Variants in HTR2C observed in about 807,000 individuals in gnomAD.
The protein encoded by HTR2C is 5-hydroxytryptamine (serotonin) receptor 2C, G protein-coupled.
HTR2C carries 5 observed loss-of-function variants against 21.0 expected under a neutral mutation model. The ratio of observed to expected loss-of-function variants is 0.24; its 90% CI spans 0.12 to 0.50. HTR2C has a LOEUF of 0.50. HTR2C is among the 20% of genes least tolerant of loss of function. The pLI is 0.98. For missense variants in HTR2C, 271 were observed against 371.2 expected, an observed-to-expected ratio of 0.73 and a Z score of 2.22; for synonymous variants, 150 against 145.3, an observed-to-expected ratio of 1.03 and a Z score of -0.23.
At position 114,699,076 on chromosome X, in the gene HTR2C, G is replaced by A. The variant is rs184272227; in HGVS notation, c.-79-27782G>A. 2.7e-4 allele frequency among the ~76,000 whole-genome samples: 30 copies of A among 111,650 alleles called. No homozygotes were observed. The East Asian group carries it at 8.2e-3, about 30-fold the overall frequency. ...ATTCTGCCCCAGTCACAATTCTTGT[G>A]ATTGTTCAACAATAAAACAAATATT... is the stretch of plus-strand genomic sequence containing the variant. On this transcript the variant is annotated intron_variant, in intron 2 of 5. Transcript: ENST00000276198.
chrX:114,761,039 T>G (rs1245181461), intron 4 of HTR2C, among the ~76,000 whole-genome samples: 1 of 111,697 alleles, frequency 9.0e-6, no homozygotes, highest in East Asian at 2.8e-4. Flanking sequence ...TAGTAGCATT[T>G]TTTTTCTTAA....
At chrX:114,750,752 C>T (rs2069753452) in intron 4 of HTR2C, among the ~76,000 whole-genome samples, 1 of 112,018 alleles carries the variant, frequency 8.9e-6, no homozygotes, top group Non-Finnish European at 1.9e-5. Context: ...GGCTTTTGAA[C>T]CAATGTTTTT....
chrX:114,833,657 G>A (rs1602855651), intron 4 of HTR2C, among the ~76,000 whole-genome samples: 1 of 109,518 alleles, frequency 9.1e-6, no homozygotes, highest in East Asian at 2.9e-4. Flanking sequence ...ACCAGCTCCT[G>A]GATTCATTAA....
chrX:114,598,084 TCAAATATATGAGCTCTACA>T (rs1401840759), intron 1 of HTR2C, among the ~76,000 whole-genome samples: 2 of 103,657 alleles, frequency 1.9e-5, no homozygotes, highest in Non-Finnish European at 4.0e-5. Context: ...TAGCTGGAGA[TCAAATATATGAGCTCTACA>T]CAAAGGATTT....
At chrX:114,678,148 G>T (rs907053424) in intron 2 of HTR2C, among the ~76,000 whole-genome samples, 2 of 110,956 alleles carry the variant, frequency 1.8e-5, no homozygotes, top group Non-Finnish European at 1.9e-5. Context: ...TGTGAATAAA[G>T]TATGGGCAGA....
rs1477537429 is a variant in HTR2C, at chrX:114,828,291, T to C, written c.350-19712T>C. 3.6e-5 allele frequency among the ~76,000 whole-genome samples: 4 copies of C among 111,351 alleles called. No individual in the cohort carries two copies. In the Admixed American group the frequency reaches 3.9e-4, roughly 11 times the overall value. ...TGAGCTCCAAGCTTTCAGTTGGTTC[T>C]TTTTAATAAATTATACTCATTATTT... On this transcript the variant is annotated intron_variant, in intron 4 of 5. Transcript: ENST00000276198.
chrX:114,633,074 A>G (rs1424336161), intron 2 of HTR2C, among the ~76,000 whole-genome samples: 1 of 111,132 alleles, frequency 9.0e-6, no homozygotes, highest in Non-Finnish European at 1.9e-5. Context: ...TTCAAATAAT[A>G]TAGTCTTGGG....
chrX:114,784,804 A>G lies in HTR2C; in HGVS notation c.349+53197A>G, dbSNP rs782075304. Among the ~76,000 whole-genome samples the G allele has an allele frequency of 1.7e-4, 19 of 109,841 alleles. No individual in the cohort carries two copies. The South Asian group carries it at 7.1e-3, about 41-fold the overall frequency. ...CCGGCTAATTTTTTGTATTTTTAGTAGAGACGGGGTTTCACCGCGTTAGCC... is the reference window on the plus strand; with the variant it reads ...CCGGCTAATTTTTTGTATTTTTAGTGGAGACGGGGTTTCACCGCGTTAGCC... On this transcript the variant is annotated intron_variant, in intron 4 of 5. Coordinates refer to ENST00000276198, the MANE Select transcript of HTR2C (RefSeq NM_000868.4).
chrX:114,893,424 CA>C (rs1263707137), intron 5 of HTR2C, among the ~76,000 whole-genome samples: 1 of 110,544 alleles, frequency 9.0e-6, no homozygotes, highest in African/African-American at 3.3e-5. Flanking sequence ...ATCAGTTTTC[CA>C]AAAAAAGTGC....
In HTR2C at chrX:114,667,048, G is replaced by A. The variant is rs781878234; in HGVS notation, c.-80+53167G>A. ...CCTCTTAATCATTTGTTTGCTTCTT[G>A]AATTTTAAGGGAACTCTGGGCACTA... On this transcript the variant is annotated intron_variant, in intron 2 of 5. Coordinates refer to ENST00000276198, the MANE Select transcript of HTR2C (RefSeq NM_000868.4). 6.8e-4 allele frequency among the ~76,000 whole-genome samples: 75 copies of A among 110,621 alleles called. 1 individual carries two copies. Among genetic ancestry groups the A allele is most frequent in the Middle Eastern group, 9.4e-3 (2 of 213 alleles).
intron 5 of HTR2C, among the ~76,000 whole-genome samples, chrX:114,869,144 A>T (rs1233626268): frequency 2.7e-5 from 3 of 111,360 alleles, no homozygotes; most frequent in Non-Finnish European, 5.6e-5. Flanking sequence ...TTCCAGCTTC[A>T]TTCATGTCCC....
chrX:114,882,812 A>G (rs1262318879), intron 5 of HTR2C, among the ~76,000 whole-genome samples: 1 of 110,398 alleles, frequency 9.1e-6, no homozygotes, highest in Non-Finnish European at 1.9e-5. Flanking sequence ...TCTTCATCTC[A>G]TTTTGGTATC....
intron 4 of HTR2C, among the ~76,000 whole-genome samples, chrX:114,816,242 T>C (rs1002983489): frequency 1.8e-4 from 17 of 93,317 alleles, no homozygotes; most frequent in Non-Finnish European, 3.4e-4. Flanking sequence ...TGAGAGATGA[T>C]AGATAGATAG....
At chrX:114,780,077 G>T (rs782020313) in intron 4 of HTR2C, among the ~76,000 whole-genome samples, 1 of 111,610 alleles carries the variant, frequency 9.0e-6, no homozygotes, top group African/African-American at 3.2e-5. Context: ...ATTCACATAA[G>T]ATTTACATTG....
intron 1 of HTR2C, among the ~76,000 whole-genome samples, chrX:114,586,078 T>A (rs1927378701): frequency 1.8e-5 from 2 of 111,845 alleles, no homozygotes; most frequent in Non-Finnish European, 3.8e-5. Flanking sequence ...ATTCTGACAA[T>A]CAAAATATGA....
At chrX:114,773,773 A>C (rs1433713743) in intron 4 of HTR2C, among the ~76,000 whole-genome samples, 1 of 112,335 alleles carries the variant, frequency 8.9e-6, no homozygotes, top group African/African-American at 3.2e-5. Context: ...AAACCACATA[A>C]TTTCCAAAAT....
At chrX:114,837,011 T>C (rs977200975) in intron 4 of HTR2C, among the ~76,000 whole-genome samples, 1 of 111,873 alleles carries the variant, frequency 8.9e-6, no homozygotes, top group Non-Finnish European at 1.9e-5. Context: ...TTCCAACATT[T>C]AATTATTAAA....
chrX:114,667,733 G>A (rs2147846331), intron 2 of HTR2C, among the ~76,000 whole-genome samples: 1 of 111,491 alleles, frequency 9.0e-6, no homozygotes, highest in East Asian at 2.8e-4. Context: ...TTTCCTGTGA[G>A]CCCAGATTGT....
chrX:114,665,693 G>A (rs782551419), intron 2 of HTR2C, among the ~76,000 whole-genome samples: 8 of 111,562 alleles, frequency 7.2e-5, no homozygotes, highest in Non-Finnish European at 1.3e-4. Flanking sequence ...GAAGTGGATC[G>A]TCATAAAGGT....
Sources: allele counts gnomAD v4.1 joint callset (sites outside exome capture counted in the v4.1 genomes callset), GRCh38; gene constraint gnomAD v4.1.1; transcripts MANE v1.5; gene names NCBI Gene and HGNC (gene_info 2026-07-23, HGNC 2026-07-21).